Variants in JOSD2 observed in about 807,000 individuals in gnomAD.
The protein encoded by JOSD2 is josephin-2.
Under a neutral mutation model 19.3 loss-of-function variants are expected in JOSD2, and 20 were observed. The ratio of observed to expected loss-of-function variants is 1.04; its 90% CI spans 0.73 to 1.51. The LOEUF is 1.51. Among genes scored for constraint, JOSD2 ranks in the 40% most tolerant of loss-of-function variants. The pLI is 0.00. For synonymous variants in JOSD2, 118 were observed against 123.7 expected (o/e 0.95, Z 0.31); for missense variants, 215 against 250.4 (o/e 0.86, Z 0.95).
rs1227617002 is a variant in JOSD2 at position 50,510,271 on chromosome 19, G to A, written c.146+15C>T. 5.0e-6 allele frequency: 8 copies of A among 1,613,086 alleles called. No individual in the cohort carries two copies. Among genetic ancestry groups the A allele is most frequent in the Non-Finnish European group, 5.9e-6 (7 of 1,179,976 alleles). On this transcript the variant is annotated intron_variant, in intron 2 of 4. Transcript: ENST00000598418. ...GAGCTCTGCTGCTCCAGGGGCTGGG[G>A]TGGGTGACGGTCACCTCTTGCAGAT...
chr19:50,510,401 G>C lies in JOSD2; in HGVS notation c.31C>G (p.Pro11Ala). ...TGCCGTTCGTGGTACACGGTGGGTG[G>C]GCTCGGCTGTGCTCCCGGGGCCTGG... is the stretch of plus-strand genomic sequence containing the variant. MSQAPGAQPS[P>A]PTVYHERQRL... The change falls in exon 2 of 5, where the codon CCA becomes GCA. Residue 11 changes from proline to alanine, a missense_variant. By Grantham distance (27) the Pro-to-Ala change is conservative. Coordinates refer to ENST00000598418, the MANE Select transcript of JOSD2 (RefSeq NM_001270639.2). 1.2e-6 allele frequency: 2 copies of C among 1,612,212 alleles called. No individual in the cohort carries two copies. Among genetic ancestry groups the C allele is most frequent in the Non-Finnish European group, 1.7e-6 (2 of 1,179,190 alleles).
chr19:50,509,853 A>C (rs1342500986), intron 2 of JOSD2, among the ~76,000 whole-genome samples: 2 of 151,698 alleles, frequency 1.3e-5, no homozygotes, highest in Non-Finnish European at 2.9e-5. Context: ...GGAGATTGAG[A>C]CCATCCCGGC....
intron 2 of JOSD2, chr19:50,510,064 A>AAAAAAAAAG (rs1203946466): frequency 7.8e-5 from 36 of 464,106 alleles, no homozygotes; most frequent in East Asian, 4.0e-4. Flanking sequence ...AAAAAAAAAA[A>AAAAAAAAAG]AAAGAAAGAA....
At chr19:50,508,545 C>T (rs190888850) in intron 2 of JOSD2, among the ~76,000 whole-genome samples, 8 of 151,916 alleles carry the variant, frequency 5.3e-5, no homozygotes, top group Non-Finnish European at 8.8e-5. Context: ...CACCGCCTCC[C>T]GCCCCACCCC....
chr19:50,509,860 C>T (rs866448522), intron 2 of JOSD2, among the ~76,000 whole-genome samples: 6 of 151,486 alleles, frequency 4.0e-5, no homozygotes, highest in African/African-American at 7.3e-5. Flanking sequence ...GAGACCATCC[C>T]GGCTAACATG....
Position 50,507,585 on chromosome 19 carries a change from C to T in JOSD2, c.261G>A (p.Trp87Ter). The change falls in exon 3 of 5, where the codon TGG (tryptophan) becomes TGA (stop). Residue 87 changes from tryptophan (W) to a stop codon, truncating the protein, a stop_gained. Transcript: ENST00000598418. LOFTEE classifies it high-confidence loss of function. ...GCTCTGGGGCCTACCTCCTCCTGTCCCACCACACGGCGGCCAGGCCCAGCC... is the reference window on the plus strand; with the variant it reads ...GCTCTGGGGCCTACCTCCTCCTGTCTCACCACACGGCGGCCAGGCCCAGCC... Reference protein sequence around the residue: ...LQGLGLAAVWWDRRRPLSQLA... With the variant: ...LQGLGLAAVW The T allele has an allele frequency of 6.2e-7, 1 of 1,605,906 alleles. No individual in the cohort carries two copies. The highest frequency in any genetic ancestry group is 8.5e-7 in the Non-Finnish European group (1 of 1,179,654).
chr19:50,507,262 A>C (rs372336667), intron 3 of JOSD2, among the ~76,000 whole-genome samples: 1 of 148,572 alleles, frequency 6.7e-6, no homozygotes, highest in African/African-American at 2.5e-5. Context: ...CCGGCCATCA[A>C]AACTTCCCAT....
chr19:50,506,402 G>A lies in JOSD2; in HGVS notation c.443C>T (p.Ala148Val), dbSNP rs1242591879. 5 of 1,605,892 alleles carry A rather than the reference G, an allele frequency of 3.1e-6. No individual in the cohort carries two copies. The highest frequency in any genetic ancestry group is 3.4e-6 in the Non-Finnish European group (4 of 1,176,988). ...CCTGACTCCGTCCTCATCCCCCAGG[G>A]CCTCGGGCGCCCGCAGCTTGGAGTC... is the stretch of plus-strand genomic sequence containing the variant. ...NLDSKLRAPEALGDEDGVRAF... is the reference protein window; with the variant it reads ...NLDSKLRAPEVLGDEDGVRAF... The change falls in exon 4 of 5, where the codon GCC (alanine) becomes GTC (valine). Residue 148 changes from alanine to valine, a missense_variant. Ala to Val is a moderately conservative substitution (Grantham distance 64). Transcript: ENST00000598418.
At chr19:50,507,525 G>T in intron 3 of JOSD2, 49 bp downstream of exon 3, 2 of 1,565,388 alleles carry the variant, frequency 1.3e-6, no homozygotes, top group Non-Finnish European at 1.7e-6. Flanking sequence ...ACACTATAGG[G>T]TGCCCTCTGT....
Position 50,506,036 on chromosome 19 carries a change from G to C in JOSD2, c.*137C>G. 1.3e-6 allele frequency: 1 copy of C among 740,872 alleles called. No homozygotes were observed. Among genetic ancestry groups the C allele is most frequent in the Non-Finnish European group, 2.2e-6 (1 of 454,010 alleles). 45.9% of individuals were successfully genotyped at this position (740,872 alleles called of 1,614,324 possible). ...CAGATTTATTGAGGCAGCAGCGGCA[G>C]TGGGGAGCAGGGGTGTGGGGAGGGG... On this transcript the variant is annotated 3_prime_UTR_variant, in exon 5 of 5. Transcript: ENST00000598418.
In JOSD2 at chr19:50,506,122, C is replaced by A. The variant is rs754378598; in HGVS notation, c.*51G>T. On this transcript the variant is annotated 3_prime_UTR_variant, in exon 5 of 5. Transcript: ENST00000598418. ...TTCCCAGGCATGCAGTGTGCGCAGCCGGAGGGGGATGCGCAGGGACTGCGC... is the reference window on the plus strand; with the variant it reads ...TTCCCAGGCATGCAGTGTGCGCAGCAGGAGGGGGATGCGCAGGGACTGCGC... 5 of 1,563,892 alleles carry A rather than the reference C, an allele frequency of 3.2e-6. No homozygotes were observed. Among genetic ancestry groups the A allele is most frequent in the Non-Finnish European group, 4.4e-6 (5 of 1,141,482 alleles).
chr19:50,507,526 T>G (rs1979449366), intron 3 of JOSD2, 48 bp downstream of exon 3: 1 of 1,564,372 alleles, frequency 6.4e-7, no homozygotes, highest in Non-Finnish European at 8.6e-7. Flanking sequence ...CACTATAGGG[T>G]GCCCTCTGTG....
At chr19:50,507,975 G>A (rs1186552604) in intron 2 of JOSD2, 18 of 497,532 alleles carry the variant, frequency 3.6e-5, no homozygotes, top group Non-Finnish European at 5.9e-5. Context: ...CCCCAACTCT[G>A]CCCTGTCCCC....
At position 50,506,225 on chromosome 19, in the gene JOSD2, A is replaced by G. The variant is rs755900464; in HGVS notation, c.515T>C (p.Leu172Pro). ...CTCCTCCACCTCCTTGGTCACTACC[A>G]GCAGCACCTCGCACAGGCCCTGGGC... is the stretch of plus-strand genomic sequence containing the variant. Reference protein sequence around the residue: ...ALAQGLCEVLLVVTKEVEEKG... With the variant: ...ALAQGLCEVLPVVTKEVEEKG... Residue 172 changes from leucine (L) to proline (P), a missense_variant, in exon 5 of 5, where the codon CTG becomes CCG. Physicochemically the swap from Leu to Pro is moderately conservative, Grantham distance 98. Transcript: ENST00000598418. 1.4e-5 allele frequency: 23 copies of G among 1,612,634 alleles called. No homozygotes were observed. The Admixed American group carries it at 3.8e-4, about 27-fold the overall frequency.
chr19:50,508,681 C>G (rs1979534383), intron 2 of JOSD2, among the ~76,000 whole-genome samples: 1 of 149,264 alleles, frequency 6.7e-6, no homozygotes, highest in Non-Finnish European at 1.5e-5. Context: ...GCAGGCAGGA[C>G]ATGGGAGGAA....
chr19:50,510,212 C>T, intron 2 of JOSD2, 74 bp downstream of exon 2: 2 of 1,590,368 alleles, frequency 1.3e-6, no homozygotes, highest in East Asian at 2.2e-5. Flanking sequence ...TCAGCGCCTG[C>T]CTGGCGGCGA....
chr19:50,508,158 A>C, intron 2 of JOSD2: 2 of 202,692 alleles, frequency 9.9e-6, no homozygotes, highest in African/African-American at 2.3e-5. Flanking sequence ...CAGCTCTCCC[A>C]TGGCTCCCCA....
chr19:50,508,786 G>A (rs1979547129), intron 2 of JOSD2, among the ~76,000 whole-genome samples: 1 of 151,700 alleles, frequency 6.6e-6, no homozygotes, highest in Non-Finnish European at 1.5e-5. Context: ...AGTCATCTCA[G>A]GGTCTCCAGC....
intron 1 of JOSD2, 84 bp downstream of exon 1, chr19:50,511,033 C>A: frequency 2.2e-6 from 1 of 446,564 alleles, no homozygotes. Context: ...ACCAGGCCCC[C>A]TCCCCGGACA....
Sources: gnomAD v4.1 joint callset for allele counts (sites outside exome capture counted in the v4.1 genomes callset) on GRCh38, gnomAD v4.1.1 for gene constraint, MANE v1.5 for transcripts, NCBI Gene and HGNC (gene_info 2026-07-23, HGNC 2026-07-21) for gene names.